The following GNAI1 variants were observed in gnomAD, a reference collection of about 807,000 sequenced individuals.
GNAI1 encodes the protein guanine nucleotide-binding protein G(i) subunit alpha-1.
A neutral mutation model predicts 38.9 loss-of-function variants in GNAI1; 11 were observed. That is an observed-to-expected ratio of 0.28 (90% confidence interval 0.18 to 0.47). The LOEUF (loss-of-function observed/expected upper bound fraction) is 0.47. GNAI1 is among the 20% of genes least tolerant of loss of function. The probability of loss-of-function intolerance (pLI) is 0.99; values close to 1 mark genes in which losing one functional copy is unlikely to be tolerated. For missense variants in GNAI1, 317 were observed against 436.9 expected (o/e 0.73, Z 2.45); for synonymous variants, 166 against 145.1 (o/e 1.14, Z -1.04).
intron 4 of GNAI1, among the ~76,000 whole-genome samples, chr7:80,200,280 C>T (rs182108102): frequency 1.3e-4 from 18 of 135,654 alleles, no homozygotes; most frequent in African/African-American, 4.0e-4. Flanking sequence ...GAGCCATGCT[C>T]GTACCACTGC....
chr7:80,152,557 T>C (rs1238362214), intron 1 of GNAI1, among the ~76,000 whole-genome samples: 1 of 138,506 alleles, frequency 7.2e-6, no homozygotes, highest in African/African-American at 2.6e-5. Flanking sequence ...CGGTCTCAAT[T>C]CTTTTTTTTT....
chr7:80,138,741 G>A (rs1787470822), intron 1 of GNAI1, among the ~76,000 whole-genome samples: 2 of 152,126 alleles, frequency 1.3e-5, no homozygotes, highest in Non-Finnish European at 2.9e-5. Context: ...GCTTTGAGCA[G>A]TATTCTCATT....
At chr7:80,167,527 A>G (rs544109421) in intron 1 of GNAI1, among the ~76,000 whole-genome samples, 2 of 152,318 alleles carry the variant, frequency 1.3e-5, no homozygotes, top group African/African-American at 4.8e-5. Flanking sequence ...ATTTGTAGAT[A>G]ATAGTAACCT....
At chr7:80,173,260 T>C (rs1295706855) in intron 1 of GNAI1, among the ~76,000 whole-genome samples, 8 of 152,204 alleles carry the variant, frequency 5.3e-5, no homozygotes, top group African/African-American at 1.9e-4. Context: ...CACAAAAATA[T>C]ATGTCTTTTA....
At chr7:80,196,414 T>C (rs576582147) in intron 3 of GNAI1, among the ~76,000 whole-genome samples, 1 of 152,060 alleles carries the variant, frequency 6.6e-6, no homozygotes, top group African/African-American at 2.4e-5. Context: ...ATTCTTTTTC[T>C]ACTCTGTATC....
rs79116873 is a variant in GNAI1 at position 80,213,488 on chromosome 7, C to T, written c.874+619C>T. On this transcript the variant is annotated intron_variant, in intron 7 of 7. Coordinates refer to ENST00000649796, the MANE Select transcript of GNAI1 (RefSeq NM_002069.6). ...ATTAGCTCTTTGATCTTGAACAAGG[C>T]AGTTAGTTCACCTAGGTCTCAGTAT... is the stretch of plus-strand genomic sequence containing the variant. Among the ~76,000 whole-genome samples the T allele has an allele frequency of 2.3e-3, 357 of 152,252 alleles. 11 individuals are homozygous for T. Among genetic ancestry groups the T allele is most frequent in the Non-Finnish European group, 3.0e-3 (205 of 68,010 alleles).
intron 3 of GNAI1, among the ~76,000 whole-genome samples, chr7:80,196,443 T>TA (rs1788576205): frequency 6.6e-6 from 1 of 152,030 alleles, no homozygotes; most frequent in South Asian, 2.1e-4. Flanking sequence ...TTGGTACACT[T>TA]ACATTTATAT....
rs759054348 is a variant in GNAI1, at chr7:80,223,472, G to A, written c.*5979G>A. Among the ~76,000 whole-genome samples, 3 of 152,108 alleles carry A rather than the reference G, an allele frequency of 2.0e-5. No homozygotes were observed. Among genetic ancestry groups the A allele is most frequent in the African/African-American group, 4.8e-5 (2 of 41,420 alleles). Reference sequence around the variant, plus strand: ...CACTCTTGAATTTTAATTATGTTCTGTGGAAACTTCACAGAGTTTTAGCTT... The same window carrying A: ...CACTCTTGAATTTTAATTATGTTCTATGGAAACTTCACAGAGTTTTAGCTT... On this transcript the variant is annotated 3_prime_UTR_variant, in exon 8 of 8. Transcript: ENST00000649796.
intron 1 of GNAI1, among the ~76,000 whole-genome samples, chr7:80,139,787 T>C (rs1787490532): frequency 6.6e-6 from 1 of 152,142 alleles, no homozygotes; most frequent in Non-Finnish European, 1.5e-5. Context: ...TTAAGATTTT[T>C]TTTCATATTT....
chr7:80,172,522 A>G (rs10277855), intron 1 of GNAI1, among the ~76,000 whole-genome samples: 49 of 152,316 alleles, frequency 3.2e-4, no homozygotes, highest in African/African-American at 8.2e-4. Context: ...TCTATTCAGC[A>G]ATCTTTTGAT....
chr7:80,206,131 T>C (rs1424892478), intron 5 of GNAI1, among the ~76,000 whole-genome samples: 2 of 152,220 alleles, frequency 1.3e-5, no homozygotes, highest in East Asian at 3.9e-4. Flanking sequence ...ATACATTTGT[T>C]ACTATCACTT....
chr7:80,197,162 C>G (rs558692685), intron 3 of GNAI1, among the ~76,000 whole-genome samples: 2 of 142,928 alleles, frequency 1.4e-5, no homozygotes, highest in South Asian at 4.6e-4. Context: ...TGACCTTGAC[C>G]TATTTTTGTT....
intron 3 of GNAI1, among the ~76,000 whole-genome samples, chr7:80,197,631 C>T (rs1463645279): frequency 6.6e-6 from 1 of 151,940 alleles, no homozygotes; most frequent in East Asian, 1.9e-4. Context: ...TGGAATTAGA[C>T]TAATGGTGCA....
At chr7:80,154,072 A>G (rs564927358) in intron 1 of GNAI1, among the ~76,000 whole-genome samples, 1 of 152,134 alleles carries the variant, frequency 6.6e-6, no homozygotes, top group South Asian at 2.1e-4. Context: ...ACAGGCACTC[A>G]CCACCAAACC....
At chr7:80,157,883 A>G (rs1364107859) in intron 1 of GNAI1, among the ~76,000 whole-genome samples, 2 of 151,760 alleles carry the variant, frequency 1.3e-5, no homozygotes, top group African/African-American at 4.8e-5. Context: ...ATTTTTTTGT[A>G]TTTTTAGTAG....
intron 1 of GNAI1, among the ~76,000 whole-genome samples, chr7:80,149,452 A>T (rs532811307): frequency 2.0e-5 from 3 of 152,248 alleles, no homozygotes; most frequent in Non-Finnish European, 4.4e-5. Context: ...CTATCCCTAC[A>T]GGAGGCATGT....
At chr7:80,208,678 C>T (rs570556914) in intron 5 of GNAI1, among the ~76,000 whole-genome samples, 49 of 152,302 alleles carry the variant, frequency 3.2e-4, no homozygotes, top group East Asian at 1.4e-3. Context: ...CTTCCCTGTG[C>T]GTCTGGTTCC....
chr7:80,179,649 T>C (rs1198638815), intron 1 of GNAI1, among the ~76,000 whole-genome samples: 1 of 152,132 alleles, frequency 6.6e-6, no homozygotes, highest in Non-Finnish European at 1.5e-5. Context: ...AAGCTAACAA[T>C]TTACCATATC....
rs201784542 is a variant in GNAI1 at position 80,201,454 on chromosome 7, A to G, written c.461+2072A>G. Among the ~76,000 whole-genome samples, 30 of 152,276 alleles carry G rather than the reference A, an allele frequency of 2.0e-4. No individual in the cohort carries two copies. The East Asian group carries it at 5.2e-3, about 26-fold the overall frequency. ...AACATAGGCCGGGCATTGGTGGCTC[A>G]TGCTTTGTAATCCCAGCATTTTGGG... is the stretch of plus-strand genomic sequence containing the variant. On this transcript the variant is annotated intron_variant, in intron 4 of 7. Transcript: ENST00000649796.
Sources: gnomAD v4.1 joint callset for allele counts (sites outside exome capture counted in the v4.1 genomes callset) on GRCh38, gnomAD v4.1.1 for gene constraint, MANE v1.5 for transcripts, NCBI Gene and HGNC (gene_info 2026-07-23, HGNC 2026-07-21) for gene names.